Variants in SLC9A8 observed in about 807,000 individuals in gnomAD.
The protein encoded by SLC9A8 is sodium/hydrogen exchanger 8.
A neutral mutation model predicts 66.6 loss-of-function variants in SLC9A8; 48 were observed. The observed-to-expected ratio is 0.72, with a 90% CI of 0.57 to 0.92. SLC9A8 has a LOEUF of 0.92. SLC9A8 is among the 40% of genes least tolerant of loss of function. The probability of loss-of-function intolerance (pLI) is 0.00; values close to 1 mark genes in which losing one functional copy is unlikely to be tolerated. For missense variants in SLC9A8, 599 were observed against 747.3 expected (o/e 0.80, Z 2.31); for synonymous variants, 274 against 282.6 (o/e 0.97, Z 0.31).
intron 3 of SLC9A8, chr20:49,831,014 G>A (rs149994024): frequency 4.0e-6 from 3 of 742,238 alleles, no homozygotes; most frequent in East Asian, 5.1e-5. Context: ...AGCCAACCAG[G>A]TGTACAAAAG....
At position 49,889,509 on chromosome 20, in the gene SLC9A8, G is replaced by A. The variant is rs1396385237; in HGVS notation, c.*1573G>A. 1.3e-5 allele frequency: 2 copies of A among 152,272 alleles called. No individual in the cohort carries two copies. Among genetic ancestry groups the A allele is most frequent in the Non-Finnish European group, 1.5e-5 (1 of 68,076 alleles). The allele number at this position is 152,272 out of a possible 1,614,324, so 9.4% of individuals were successfully genotyped here. On this transcript the variant is annotated 3_prime_UTR_variant, in exon 16 of 16. Transcript: ENST00000361573. ...GGACCTTCCAGGTTCCTCTGTGCCA[G>A]GAATGAGAGGCCAGGCCCGATCCTA... is the stretch of plus-strand genomic sequence containing the variant.
At chr20:49,834,383 ACTGT>A (rs1434999961) in intron 3 of SLC9A8, among the ~76,000 whole-genome samples, 2 of 40,164 alleles carry the variant, frequency 5.0e-5, no homozygotes, top group Non-Finnish European at 9.0e-5. Context: ...ATATATATAT[ACTGT>A]GTATATATAT....
At chr20:49,849,113 A>G (rs1405704800) in intron 5 of SLC9A8, among the ~76,000 whole-genome samples, 4 of 152,208 alleles carry the variant, frequency 2.6e-5, no homozygotes, top group Admixed American at 2.6e-4. Flanking sequence ...AAGAGGGAGC[A>G]CAACCTGCTC....
intron 11 of SLC9A8, among the ~76,000 whole-genome samples, chr20:49,875,717 C>A (rs542162535): frequency 7.5e-4 from 114 of 152,096 alleles, no homozygotes; most frequent in African/African-American, 2.3e-3. Context: ...CAAAATCACC[C>A]CTGGCATTTT....
rs187697279 is a variant in SLC9A8, at chr20:49,890,539, C to T, written c.*2603C>T. On this transcript the variant is annotated 3_prime_UTR_variant, in exon 16 of 16. Coordinates refer to ENST00000361573, the MANE Select transcript of SLC9A8 (RefSeq NM_015266.3). ...ACCAGCCCTTTAGCCAGCAGCCCCTCCACCACAGGCACTGCTGTGTGGAAC... is the reference window on the plus strand; with the variant it reads ...ACCAGCCCTTTAGCCAGCAGCCCCTTCACCACAGGCACTGCTGTGTGGAAC... 1 of 152,350 alleles carries T rather than the reference C, an allele frequency of 6.6e-6. No individual in the cohort carries two copies. Among genetic ancestry groups the T allele is most frequent in the East Asian group, 1.9e-4 (1 of 5,188 alleles). The allele number at this position is 152,350 out of a possible 1,614,324, so 9.4% of individuals were successfully genotyped here. A position where few individuals can be genotyped will look rare whatever the true frequency, so the allele number is the denominator to read the frequency against.
rs562797378 is a variant in SLC9A8, at chr20:49,837,717, C to T, written c.290-1824C>T. On this transcript the variant is annotated intron_variant, in intron 3 of 15. Coordinates refer to ENST00000361573, the MANE Select transcript of SLC9A8 (RefSeq NM_015266.3). Reference sequence around the variant, plus strand: ...CCTGAATAGCTAGGATTAGAGGCGCCCGCCATGCCCGGCTAATTTTTGTAT... The same window carrying T: ...CCTGAATAGCTAGGATTAGAGGCGCTCGCCATGCCCGGCTAATTTTTGTAT... 3.3e-5 allele frequency among the ~76,000 whole-genome samples: 5 copies of T among 152,172 alleles called. No homozygotes were observed. The South Asian group carries it at 8.3e-4, about 25-fold the overall frequency.
In SLC9A8 at chr20:49,890,247, G is replaced by A. The variant is rs1186011658; in HGVS notation, c.*2311G>A. On this transcript the variant is annotated 3_prime_UTR_variant, in exon 16 of 16. Transcript: ENST00000361573. ...TCCTTGGCAATCTTGGCTCACCTTG[G>A]TAACAAAAGGCCATAGAAGTCTGTT... 1 of 152,134 alleles carries A rather than the reference G, an allele frequency of 6.6e-6. No individual in the cohort carries two copies. The highest frequency in any genetic ancestry group is 6.5e-5 in the Admixed American group (1 of 15,274). 9.4% of individuals were successfully genotyped at this position (152,134 alleles called of 1,614,324 possible).
Position 49,886,509 on chromosome 20 carries a change from CT to C in SLC9A8, c.1492-242del. The stretch of plus-strand genomic sequence containing the variant: ...AAAAGCTTAAAGACCAAGCCCCAGC[CT>C]GGCCCAGTCCTTCTGTTTTAGCTGT... On this transcript the variant is annotated intron_variant, in intron 14 of 15. Coordinates refer to ENST00000361573, the MANE Select transcript of SLC9A8 (RefSeq NM_015266.3). This position sits in a 1 kb window ranked among gnomAD's most constrained non-coding sequence, Gnocchi z 4.8. The C allele has an allele frequency of 2.3e-6, 1 of 437,902 alleles. No homozygotes were observed. Among genetic ancestry groups the C allele is most frequent in the Non-Finnish European group, 4.0e-6 (1 of 247,438 alleles). 27.1% of individuals were successfully genotyped at this position (437,902 alleles called of 1,614,324 possible).
chr20:49,864,847 A>G lies in SLC9A8; in HGVS notation c.958+3A>G, dbSNP rs188598081. On this transcript the variant is annotated splice_donor_region_variant and intron_variant, in intron 10 of 15. Coordinates refer to ENST00000361573, the MANE Select transcript of SLC9A8 (RefSeq NM_015266.3). ...TGCAGAAGGAATCTCACTCTCAGGTAAGTGACAGAGAGCCTGAAAGTGCTG... is the reference window on the plus strand; with the variant it reads ...TGCAGAAGGAATCTCACTCTCAGGTGAGTGACAGAGAGCCTGAAAGTGCTG... 117 of 1,585,152 alleles carry G rather than the reference A, an allele frequency of 7.4e-5. No homozygotes were observed. The African/African-American group carries it at 1.5e-3, about 20-fold the overall frequency.
At chr20:49,845,221 A>T in intron 5 of SLC9A8, 102 bp downstream of exon 5, 1 of 819,704 alleles carries the variant, frequency 1.2e-6, no homozygotes, top group Non-Finnish European at 2.1e-6. Context: ...CAGCAGCAGC[A>T]GCAGCTCTGC....
intron 3 of SLC9A8, among the ~76,000 whole-genome samples, chr20:49,828,188 C>T (rs1349396230): frequency 8.8e-5 from 13 of 146,998 alleles, no homozygotes; most frequent in Non-Finnish European, 1.6e-4. Context: ...TCAAGTGATT[C>T]TCCTGCCTCA....
At position 49,888,240 on chromosome 20, in the gene SLC9A8, G is replaced by A. The variant is rs189129556; in HGVS notation, c.*304G>A. On this transcript the variant is annotated 3_prime_UTR_variant, in exon 16 of 16. Transcript: ENST00000361573. Reference sequence around the variant, plus strand: ...AGGTGCCAGTCATCTGTGAAGCTAGGGCGCCTACCCCCCCACCCGGAGGAC... The same window carrying A: ...AGGTGCCAGTCATCTGTGAAGCTAGAGCGCCTACCCCCCCACCCGGAGGAC... 4 of 325,052 alleles carry A rather than the reference G, an allele frequency of 1.2e-5. No individual in the cohort carries two copies. The East Asian group carries it at 3.5e-4, about 28-fold the overall frequency. 20.1% of individuals were successfully genotyped at this position (325,052 alleles called of 1,614,324 possible).
chr20:49,888,426 G>A lies in SLC9A8; in HGVS notation c.*490G>A, dbSNP rs2089969135. ...GCCACAATTCTGACCTAAGTGGCAG[G>A]GCCCAGAAATCCTGAAAACCTCCCG... is the stretch of plus-strand genomic sequence containing the variant. On this transcript the variant is annotated 3_prime_UTR_variant, in exon 16 of 16. Transcript: ENST00000361573. The A allele has an allele frequency of 6.2e-6, 1 of 160,058 alleles. No homozygotes were observed. Among genetic ancestry groups the A allele is most frequent in the African/African-American group, 2.4e-5 (1 of 41,466 alleles). The allele number at this position is 160,058 out of a possible 1,614,324, so 9.9% of individuals were successfully genotyped here.
intron 2 of SLC9A8, among the ~76,000 whole-genome samples, chr20:49,817,620 C>CT (rs1284552435): frequency 1.3e-5 from 2 of 152,084 alleles, no homozygotes; most frequent in Non-Finnish European, 2.9e-5. Context: ...TAGTGAGACT[C>CT]TGTCTCCACA....
intron 10 of SLC9A8, among the ~76,000 whole-genome samples, chr20:49,867,407 C>T (rs1416705705): frequency 2.0e-5 from 3 of 152,152 alleles, no homozygotes; most frequent in Non-Finnish European, 4.4e-5. Context: ...TCTCAGGTAC[C>T]GTGAGCTCAC....
intron 3 of SLC9A8, among the ~76,000 whole-genome samples, chr20:49,834,325 TATA>T: frequency 1.0e-5 from 1 of 97,032 alleles, no homozygotes; most frequent in African/African-American, 4.0e-5. Context: ...TATATATATA[TATA>T]CTGTGTATAT....
intron 12 of SLC9A8, among the ~76,000 whole-genome samples, chr20:49,879,095 A>G (rs1320488761): frequency 6.6e-6 from 1 of 152,154 alleles, no homozygotes; most frequent in African/African-American, 2.4e-5. Flanking sequence ...AACCTGAAAC[A>G]AGTGTAGGCA....
chr20:49,863,469 C>T (rs1265237274), intron 9 of SLC9A8, among the ~76,000 whole-genome samples: 1 of 152,168 alleles, frequency 6.6e-6, no homozygotes, highest in Non-Finnish European at 1.5e-5. Flanking sequence ...AATCCCAGCA[C>T]TTTGAGAGGC....
rs373012815 is a variant in SLC9A8 at position 49,884,015 on chromosome 20, G to C, written c.1440G>C (p.Lys480Asn). ...LIRLMDIEDAKAHRRNKKDVN... is the reference protein window; with the variant it reads ...LIRLMDIEDANAHRRNKKDVN... ...GCCTCATGGACATCGAGGACGCCAA[G>C]GCACACCGCAGGAACAAGAAGGACG... The change falls in exon 14 of 16, where the codon AAG (lysine) becomes AAC (asparagine). Residue 480 changes from lysine (K) to asparagine (N), a missense_variant. Physicochemically the swap from Lys to Asn is moderately conservative, Grantham distance 94. Coordinates refer to ENST00000361573, the MANE Select transcript of SLC9A8 (RefSeq NM_015266.3). 13 of 1,613,566 alleles carry C rather than the reference G, an allele frequency of 8.1e-6. No homozygotes were observed. In the African/African-American group the frequency reaches 1.6e-4, roughly 20 times the overall value.
Sources: allele counts gnomAD v4.1 joint callset (sites outside exome capture counted in the v4.1 genomes callset), GRCh38; gene constraint gnomAD v4.1.1; non-coding constraint Gnocchi (gnomAD v3.1); transcripts MANE v1.5; gene names NCBI Gene and HGNC (gene_info 2026-07-23, HGNC 2026-07-21).